The following NICN1 variants were observed in gnomAD, a reference collection of about 807,000 sequenced individuals.
The protein encoded by NICN1 is nicolin 1, tubulin polyglutamylase complex subunit.
NICN1 carries 18 observed loss-of-function variants against 26.3 expected under a neutral mutation model. That is an observed-to-expected ratio of 0.68 (90% CI 0.47 to 1.01). The LOEUF is 1.01. NICN1 is among the 50% of genes least tolerant of loss of function. The probability of loss-of-function intolerance (pLI) is 0.00; values close to 1 mark genes in which losing one functional copy is unlikely to be tolerated. For synonymous variants in NICN1, 109 were observed against 111.0 expected (o/e 0.98, Z 0.11); for missense variants, 239 against 278.3 (o/e 0.86, Z 1.00).
chr3:49,424,942 T>G lies in NICN1; in HGVS notation c.600+7A>C. 6.2e-7 allele frequency: 1 copy of G among 1,613,688 alleles called. No homozygotes were observed. Among genetic ancestry groups the G allele is most frequent in the Non-Finnish European group, 8.5e-7 (1 of 1,179,672 alleles). On this transcript the variant is annotated splice_region_variant and intron_variant, in intron 5 of 5. Coordinates refer to ENST00000273598, the MANE Select transcript of NICN1 (RefSeq NM_032316.3). Reference sequence around the variant, plus strand: ...AGCAAGCCAAGCAGAAGGAAGCGATTACTTACATCAAAGCGGCCGATCCTT... The same window carrying G: ...AGCAAGCCAAGCAGAAGGAAGCGATGACTTACATCAAAGCGGCCGATCCTT...
At chr3:49,426,516 C>A in intron 1 of NICN1, 88 bp from the exon 2 acceptor site, 2 of 935,600 alleles carry the variant, frequency 2.1e-6, no homozygotes, top group Non-Finnish European at 3.3e-6. Flanking sequence ...CCTCTTCCTT[C>A]TCCCCACCTT....
chr3:49,424,729 C>T lies in NICN1; in HGVS notation c.*104G>A. 1 of 919,640 alleles carries T rather than the reference C, an allele frequency of 1.1e-6. No individual in the cohort carries two copies. Among genetic ancestry groups the T allele is most frequent in the Non-Finnish European group, 1.8e-6 (1 of 550,958 alleles). The allele number at this position is 919,640 out of a possible 1,614,324, so 57.0% of individuals were successfully genotyped here. A position where few individuals can be genotyped will look rare whatever the true frequency, so the allele number is the denominator to read the frequency against. ...ATGTGGCCCAGACAGAACAGGCATGCAGGCAACACTTGGAATGCACAGGAA... is the reference window on the plus strand; with the variant it reads ...ATGTGGCCCAGACAGAACAGGCATGTAGGCAACACTTGGAATGCACAGGAA... On this transcript the variant is annotated 3_prime_UTR_variant, in exon 6 of 6. Coordinates refer to ENST00000273598, the MANE Select transcript of NICN1 (RefSeq NM_032316.3).
chr3:49,425,793 T>C (rs2049164728), intron 3 of NICN1, 90 bp downstream of exon 3: 1 of 670,334 alleles, frequency 1.5e-6, no homozygotes, highest in African/African-American at 1.8e-5. Flanking sequence ...ATTCACAATC[T>C]TCACCCATTA....
At chr3:49,426,145 T>G in intron 2 of NICN1, 107 bp downstream of exon 2, 1 of 1,272,094 alleles carries the variant, frequency 7.9e-7, no homozygotes, top group East Asian at 2.5e-5. Flanking sequence ...GAAGTCACAG[T>G]TCAGGCCAGA....
chr3:49,429,025 A>G, intron 1 of NICN1, 83 bp downstream of exon 1: 1 of 1,351,600 alleles, frequency 7.4e-7, no homozygotes, highest in Non-Finnish European at 1.0e-6. Context: ...CTTTCCCATA[A>G]AAGATTAAAT....
At position 49,429,281 on chromosome 3, in the gene NICN1, C is replaced by G; in HGVS notation, c.-42G>C. The G allele has an allele frequency of 6.5e-7, 1 of 1,550,008 alleles. No homozygotes were observed. Among genetic ancestry groups the G allele is most frequent in the Non-Finnish European group, 8.7e-7 (1 of 1,144,580 alleles). ...ACTAAGTGCAACCGCCGCTCTAGGC[C>G]CCCGACCACCAGCCCTTCCCGGCAT... On this transcript the variant is annotated 5_prime_UTR_variant, in exon 1 of 6. Transcript: ENST00000273598.
rs1419359808 is a variant in NICN1 at position 49,429,120 on chromosome 3, G to A, written c.120C>T (p.Val40=). 3 of 1,607,064 alleles carry A rather than the reference G, an allele frequency of 1.9e-6. No individual in the cohort carries two copies. The African/African-American group carries it at 4.0e-5, about 22-fold the overall frequency. Residue 40 remains valine, a synonymous_variant, in exon 1 of 6, where the codon GTC becomes GTT. Transcript: ENST00000273598. ...VLVIDVTFPS[V]APFELQEITF... Reference sequence around the variant, plus strand: ...CAGGCTTGCTCACCTCGAAGGGAGCGACGCTGGGGAAGGTGACATCGATGA... The same window carrying A: ...CAGGCTTGCTCACCTCGAAGGGAGCAACGCTGGGGAAGGTGACATCGATGA...
chr3:49,427,644 GAAAAAAA>G lies in NICN1; in HGVS notation c.133-1223_133-1217del, dbSNP rs58773326. The stretch of plus-strand genomic sequence containing the variant: ...GGTGACAAAACGAGGCTACCTCTCA[GAAAAAAA>G]AAAAAAAAAAAAGAAATGTAGATAA... On this transcript the variant is annotated intron_variant, in intron 1 of 5. Coordinates refer to ENST00000273598, the MANE Select transcript of NICN1 (RefSeq NM_032316.3). 2.9e-5 allele frequency among the ~76,000 whole-genome samples: 3 copies of G among 102,820 alleles called. 1 individual carries two copies. The highest frequency in any genetic ancestry group is 7.4e-5 in the African/African-American group (2 of 27,106). The allele number at this position is 102,820 out of a possible 152,430, so 67.5% of individuals were successfully genotyped here. A position where few individuals can be genotyped will look rare whatever the true frequency, so the allele number is the denominator to read the frequency against.
chr3:49,427,265 G>A (rs2049180903), intron 1 of NICN1, among the ~76,000 whole-genome samples: 2 of 150,990 alleles, frequency 1.3e-5, no homozygotes, highest in Admixed American at 6.6e-5. Flanking sequence ...AGCTTGCAGT[G>A]AGCTGAGATC....
At chr3:49,427,312 G>C (rs1237781133) in intron 1 of NICN1, among the ~76,000 whole-genome samples, 1 of 144,930 alleles carries the variant, frequency 6.9e-6, no homozygotes, top group African/African-American at 2.6e-5. Context: ...GACAGAGCAA[G>C]ACACGGTCTC....
chr3:49,424,718 G>C lies in NICN1; in HGVS notation c.*115C>G. 1.2e-6 allele frequency: 1 copy of C among 857,554 alleles called. No individual in the cohort carries two copies. Among genetic ancestry groups the C allele is most frequent in the Non-Finnish European group, 2.0e-6 (1 of 498,774 alleles). The allele number at this position is 857,554 out of a possible 1,614,324, so 53.1% of individuals were successfully genotyped here. ...TGAATCTGTGAATGTGGCCCAGACA[G>C]AACAGGCATGCAGGCAACACTTGGA... is the stretch of plus-strand genomic sequence containing the variant. On this transcript the variant is annotated 3_prime_UTR_variant, in exon 6 of 6. Coordinates refer to ENST00000273598, the MANE Select transcript of NICN1 (RefSeq NM_032316.3).
chr3:49,422,726 G>GT lies in NICN1; in HGVS notation c.*2106_*2107insA, dbSNP rs2049134148. 1 of 583,798 alleles carries GT rather than the reference G, an allele frequency of 1.7e-6. No individual in the cohort carries two copies. The highest frequency in any genetic ancestry group is 2.6e-5 in the Admixed American group (1 of 39,146). The allele number at this position is 583,798 out of a possible 1,614,324, so 36.2% of individuals were successfully genotyped here. ...CTGCCCAGAACAAAGCTAGGGGCTA[G>GT]ACCGCCCCCTGCAGAACCGCCCTGT... On this transcript the variant is annotated 3_prime_UTR_variant, in exon 6 of 6. Coordinates refer to ENST00000273598, the MANE Select transcript of NICN1 (RefSeq NM_032316.3).
chr3:49,427,402 A>C (rs1318622117), intron 1 of NICN1, among the ~76,000 whole-genome samples: 1 of 151,744 alleles, frequency 6.6e-6, no homozygotes, highest in East Asian at 1.9e-4. Flanking sequence ...GCACTTTGGG[A>C]GGCTGGGGCG....
Sources: allele counts gnomAD v4.1 joint callset (sites outside exome capture counted in the v4.1 genomes callset), GRCh38; gene constraint gnomAD v4.1.1; transcripts MANE v1.5; gene names NCBI Gene and HGNC (gene_info 2026-07-23, HGNC 2026-07-21).